PTCHD4: variants seen among roughly 807,000 people sequenced by gnomAD.
PTCHD4 encodes patched domain-containing protein 4.
PTCHD4 carries 33 observed loss-of-function variants against 58.1 expected under a neutral mutation model. The ratio of observed to expected loss-of-function variants is 0.57; its 90% CI spans 0.43 to 0.76. The LOEUF (loss-of-function observed/expected upper bound fraction) is 0.76. PTCHD4 is among the 30% of genes least tolerant of loss of function. PTCHD4 has a pLI of 0.00. For synonymous variants in PTCHD4, 478 were observed against 409.6 expected (o/e 1.17, Z -2.02); for missense variants, 1,058 against 1,027.1 (o/e 1.03, Z -0.41).
chr6:48,008,459 T>C (rs1399187786), intron 4 of PTCHD4, among the ~76,000 whole-genome samples, 175 bp downstream of exon 4: 1 of 152,182 alleles, frequency 6.6e-6, no homozygotes. Context: ...GCTTATCCCA[T>C]AATTTCCTGA....
chr6:47,898,302 A>T (rs1414540659), intron 4 of PTCHD4, among the ~76,000 whole-genome samples: 1 of 152,172 alleles, frequency 6.6e-6, no homozygotes, highest in African/African-American at 2.4e-5. Flanking sequence ...TTAAACTATC[A>T]TAATCCTGTC....
At chr6:47,926,341 C>T (rs1765613295) in intron 4 of PTCHD4, among the ~76,000 whole-genome samples, 1 of 152,146 alleles carries the variant, frequency 6.6e-6, no homozygotes, top group African/African-American at 2.4e-5. Flanking sequence ...TTTGATAGAA[C>T]TAGGATACTA....
intron 4 of PTCHD4, among the ~76,000 whole-genome samples, chr6:47,977,599 A>G (rs1474370149): frequency 6.6e-6 from 1 of 152,212 alleles, no homozygotes; most frequent in Non-Finnish European, 1.5e-5. Flanking sequence ...CATTATGGCC[A>G]TGCCCAGGTT....
chr6:48,003,842 C>T (rs1170521162), intron 4 of PTCHD4, among the ~76,000 whole-genome samples: 1 of 152,186 alleles, frequency 6.6e-6, no homozygotes, highest in Non-Finnish European at 1.5e-5. Flanking sequence ...TTCAGCTTCG[C>T]CAAGCAAGGT....
intron 4 of PTCHD4, among the ~76,000 whole-genome samples, chr6:47,891,613 C>A (rs984974844): frequency 6.6e-6 from 1 of 152,116 alleles, no homozygotes; most frequent in African/African-American, 2.4e-5. Context: ...ATTAAGATAA[C>A]CAGTCATAGA....
intron 1 of PTCHD4, among the ~76,000 whole-genome samples, chr6:48,071,993 G>A (rs1218562597): frequency 6.6e-6 from 1 of 152,192 alleles, no homozygotes; most frequent in African/African-American, 2.4e-5. Context: ...TATCGAGGGT[G>A]CATTCTTTCA....
chr6:47,860,772 C>T lies in PTCHD4; in HGVS notation c.*17531G>A, dbSNP rs1313050204. 1.3e-5 allele frequency among the ~76,000 whole-genome samples: 2 copies of T among 151,940 alleles called. No homozygotes were observed. Among genetic ancestry groups the T allele is most frequent in the Non-Finnish European group, 1.5e-5 (1 of 67,918 alleles). On this transcript the variant is annotated 3_prime_UTR_variant, in exon 5 of 5. Transcript: ENST00000339488. ...CCCACTAGTCTACTAGTTTATTTCA[C>T]TCATTGCTTGGGATTTATCTACTTA... is the stretch of plus-strand genomic sequence containing the variant.
At chr6:47,956,807 G>C (rs190607137) in intron 4 of PTCHD4, among the ~76,000 whole-genome samples, 96 of 152,234 alleles carry the variant, frequency 6.3e-4, no homozygotes, top group Non-Finnish European at 1.1e-3. Flanking sequence ...ATAAGGACTG[G>C]AAGATAAAAT....
rs949711220 is a variant in PTCHD4, at chr6:47,874,483, TA to T, written c.*3819del. ...AATTATGATATTTACAGTCAACTTA[TA>T]AAAATACATGTAATTCTGAATGGCA... On this transcript the variant is annotated 3_prime_UTR_variant, in exon 5 of 5. Coordinates refer to ENST00000339488, the MANE Select transcript of PTCHD4 (RefSeq NM_001384253.1). Among the ~76,000 whole-genome samples the T allele has an allele frequency of 6.6e-6, 1 of 151,780 alleles. No homozygotes were observed. Among genetic ancestry groups the T allele is most frequent in the Non-Finnish European group, 1.5e-5 (1 of 67,814 alleles).
chr6:48,105,335 C>A (rs1362893154), intron 1 of PTCHD4, among the ~76,000 whole-genome samples: 1 of 151,486 alleles, frequency 6.6e-6, no homozygotes, highest in Non-Finnish European at 1.5e-5. Flanking sequence ...AACTGAACAA[C>A]CTGCTCCTGA....
At chr6:48,043,006 C>T (rs1763898886) in intron 3 of PTCHD4, among the ~76,000 whole-genome samples, 1 of 151,808 alleles carries the variant, frequency 6.6e-6, no homozygotes, top group Non-Finnish European at 1.5e-5. Context: ...ATGTATCAAA[C>T]GTAATCTGTT....
rs529863581 is a variant in PTCHD4, at chr6:48,001,431, A to G, written c.898+7203T>C. 2.0e-5 allele frequency among the ~76,000 whole-genome samples: 3 copies of G among 152,310 alleles called. No individual in the cohort carries two copies. The East Asian group carries it at 5.8e-4, about 29-fold the overall frequency. On this transcript the variant is annotated intron_variant, in intron 4 of 4. Coordinates refer to ENST00000339488, the MANE Select transcript of PTCHD4 (RefSeq NM_001384253.1). ...CAGAGATATAGACCAACGGAACAGAACAGATCCCTCAGAAATAATGCCACA... is the reference window on the plus strand; with the variant it reads ...CAGAGATATAGACCAACGGAACAGAGCAGATCCCTCAGAAATAATGCCACA...
At chr6:48,083,220 T>C (rs540651700) in intron 1 of PTCHD4, among the ~76,000 whole-genome samples, 2 of 151,722 alleles carry the variant, frequency 1.3e-5, no homozygotes, top group Non-Finnish European at 2.9e-5. Flanking sequence ...AAGGGCTAGA[T>C]ATTTTAGGCT....
At chr6:48,061,125 T>C (rs1166539928) in intron 3 of PTCHD4, among the ~76,000 whole-genome samples, 7 of 152,252 alleles carry the variant, frequency 4.6e-5, no homozygotes, top group Non-Finnish European at 1.0e-4. Flanking sequence ...TCTCATATAA[T>C]ATTAACATAA....
At chr6:47,905,350 G>T (rs1764844084) in intron 4 of PTCHD4, among the ~76,000 whole-genome samples, 1 of 152,198 alleles carries the variant, frequency 6.6e-6, no homozygotes, top group South Asian at 2.1e-4. Context: ...CTGGTTTGCA[G>T]TGGCTTAGTA....
chr6:48,013,229 G>A (rs531865760), intron 3 of PTCHD4, among the ~76,000 whole-genome samples: 2 of 151,916 alleles, frequency 1.3e-5, no homozygotes, highest in African/African-American at 4.8e-5. Context: ...TTGTTGGTAG[G>A]CTCTTAATTA....
intron 1 of PTCHD4, among the ~76,000 whole-genome samples, chr6:48,086,996 A>C (rs1339598857): frequency 6.6e-6 from 1 of 152,184 alleles, no homozygotes; most frequent in Non-Finnish European, 1.5e-5. Flanking sequence ...TTTGTTCCAA[A>C]GTAGGCTTTC....
At chr6:48,106,046 T>C (rs1378592877) in intron 1 of PTCHD4, among the ~76,000 whole-genome samples, 1 of 152,168 alleles carries the variant, frequency 6.6e-6, no homozygotes, top group Non-Finnish European at 1.5e-5. Context: ...GTACCGTTCC[T>C]TCTGAAACTA....
intron 4 of PTCHD4, among the ~76,000 whole-genome samples, chr6:48,004,463 T>A (rs1344096360): frequency 2.0e-5 from 3 of 152,166 alleles, no homozygotes; most frequent in African/African-American, 7.2e-5. Context: ...AGCCCATATT[T>A]CTTCTTCCAG....
Sources: gnomAD v4.1 joint callset for allele counts (sites outside exome capture counted in the v4.1 genomes callset) on GRCh38, gnomAD v4.1.1 for gene constraint, MANE v1.5 for transcripts, NCBI Gene and HGNC (gene_info 2026-07-23, HGNC 2026-07-21) for gene names.